NCKAP5: variants seen among roughly 807,000 people sequenced by gnomAD.
The protein encoded by NCKAP5 is nck-associated protein 5.
A neutral mutation model predicts 167.0 loss-of-function variants in NCKAP5; 92 were observed. That is an observed-to-expected ratio of 0.55 (90% CI 0.47 to 0.66). NCKAP5 has a LOEUF of 0.66. Among genes scored for constraint, NCKAP5 ranks in the 30% least tolerant of loss-of-function variants. NCKAP5 has a pLI of 0.00. For missense variants in NCKAP5, 2,378 were observed against 2,315.0 expected, an observed-to-expected ratio of 1.03 and a Z score of -0.56; for synonymous variants, 891 against 877.4, an observed-to-expected ratio of 1.02 and a Z score of -0.27.
At chr2:133,256,303 C>T (rs539281303) in intron 4 of NCKAP5, among the ~76,000 whole-genome samples, 1 of 152,064 alleles carries the variant, frequency 6.6e-6, no homozygotes, top group Non-Finnish European at 1.5e-5. Flanking sequence ...ATAGAAATTA[C>T]ATTGAGGCAT....
At chr2:133,075,582 G>A (rs926121010) in intron 6 of NCKAP5, among the ~76,000 whole-genome samples, 2 of 152,166 alleles carry the variant, frequency 1.3e-5, no homozygotes, top group African/African-American at 4.8e-5. Flanking sequence ...AAAGGGTCGT[G>A]CAAAGGACCT....
chr2:133,375,090 G>T (rs1686055933), intron 3 of NCKAP5, among the ~76,000 whole-genome samples: 1 of 152,150 alleles, frequency 6.6e-6, no homozygotes, highest in Non-Finnish European at 1.5e-5. Flanking sequence ...TGCTTATCTG[G>T]TAACGGAACA....
At chr2:133,341,332 C>T (rs1325968096) in intron 3 of NCKAP5, among the ~76,000 whole-genome samples, 1 of 151,044 alleles carries the variant, frequency 6.6e-6, no homozygotes, top group East Asian at 1.9e-4. Flanking sequence ...TGACTAATTC[C>T]CCTCATTAAC....
chr2:133,097,519 T>C (rs561189770), intron 6 of NCKAP5, among the ~76,000 whole-genome samples: 1 of 152,262 alleles, frequency 6.6e-6, no homozygotes, highest in African/African-American at 2.4e-5. Flanking sequence ...AACTGTAAGC[T>C]CCTAAGACAT....
chr2:132,679,995 C>T (rs543292839), intron 19 of NCKAP5, among the ~76,000 whole-genome samples: 16 of 152,072 alleles, frequency 1.1e-4, no homozygotes, highest in South Asian at 6.2e-4. Flanking sequence ...TCCTTAATGC[C>T]GCCTCTTACT....
intron 6 of NCKAP5, among the ~76,000 whole-genome samples, chr2:133,047,683 T>C (rs1203039231): frequency 6.6e-6 from 1 of 152,206 alleles, no homozygotes; most frequent in African/African-American, 2.4e-5. Flanking sequence ...TTGTTTAAAA[T>C]TTGTAAACAC....
At chr2:133,189,938 A>C (rs1390499121) in intron 5 of NCKAP5, among the ~76,000 whole-genome samples, 1 of 152,288 alleles carries the variant, frequency 6.6e-6, no homozygotes, top group African/African-American at 2.4e-5. Context: ...ATCAGGCAGG[A>C]GAAAGAAATA....
In NCKAP5 at chr2:132,783,493, C is replaced by T. The variant is rs2105043497; in HGVS notation, c.3318G>A (p.Gly1106=). 6.2e-7 allele frequency: 1 copy of T among 1,606,026 alleles called. No individual in the cohort carries two copies. Among genetic ancestry groups the T allele is most frequent in the African/African-American group, 1.3e-5 (1 of 74,712 alleles). ...ASTPPKPSFL[G]VNESPSSQVS... is the part of the protein sequence containing the mutation. ...CCTGAGATGATGGTGACTCATTTAC[C>T]CCTAAGAAGGAAGGCTTGGGGGGTG... Residue 1106 remains glycine, a synonymous_variant, in exon 14 of 20, where the codon GGG becomes GGA. Transcript: ENST00000409261.
At chr2:133,004,018 T>C (rs925804931) in intron 6 of NCKAP5, among the ~76,000 whole-genome samples, 14 of 152,156 alleles carry the variant, frequency 9.2e-5, no homozygotes, top group African/African-American at 3.4e-4. Context: ...GGAACTCCCC[T>C]GAATGTTAGC....
intron 4 of NCKAP5, among the ~76,000 whole-genome samples, chr2:133,250,291 C>T (rs1042774968): frequency 4.6e-5 from 7 of 152,120 alleles, no homozygotes; most frequent in Non-Finnish European, 7.4e-5. Flanking sequence ...TCTAGGCGAG[C>T]GGGGCAGGCA....
At chr2:133,309,852 G>A (rs1047314473) in intron 3 of NCKAP5, among the ~76,000 whole-genome samples, 2 of 152,254 alleles carry the variant, frequency 1.3e-5, no homozygotes, top group East Asian at 1.9e-4. Flanking sequence ...AAATAAAATC[G>A]TGTATCAAAG....
At chr2:133,503,928 C>T (rs551830561) in intron 3 of NCKAP5, among the ~76,000 whole-genome samples, 1 of 152,232 alleles carries the variant, frequency 6.6e-6, no homozygotes, top group African/African-American at 2.4e-5. Context: ...GCCTAGGAGC[C>T]CTAGCTGTCA....
intron 3 of NCKAP5, among the ~76,000 whole-genome samples, chr2:133,401,199 G>C (rs1688074285): frequency 6.6e-6 from 1 of 152,230 alleles, no homozygotes. Context: ...TTCTGGGATA[G>C]TGAACGCATT....
At chr2:133,476,857 G>A (rs749460204) in intron 3 of NCKAP5, among the ~76,000 whole-genome samples, 3 of 152,104 alleles carry the variant, frequency 2.0e-5, no homozygotes, top group Admixed American at 6.5e-5. Flanking sequence ...AATCAATAAG[G>A]TAGTTACAGA....
rs144607703 is a variant in NCKAP5 at position 132,772,661 on chromosome 2, AGGATGTCCTTTT to A, written c.5128+1143_5128+1154del. 2.6e-3 allele frequency among the ~76,000 whole-genome samples: 396 copies of A among 152,350 alleles called. 1 individual carries two copies. Among genetic ancestry groups the A allele is most frequent in the African/African-American group, 9.0e-3 (374 of 41,580 alleles). On this transcript the variant is annotated intron_variant, in intron 16 of 19. Transcript: ENST00000409261. Reference sequence around the variant, plus strand: ...CATTTTACATTGACAACTATAATAAAGGATGTCCTTTTGGAATAATAATCTTATTCAGACTAC... The same window carrying A: ...CATTTTACATTGACAACTATAATAAAGGAATAATAATCTTATTCAGACTAC...
At chr2:133,289,874 T>C (rs1277885934) in intron 4 of NCKAP5, among the ~76,000 whole-genome samples, 1 of 152,118 alleles carries the variant, frequency 6.6e-6, no homozygotes, top group Non-Finnish European at 1.5e-5. Flanking sequence ...AGCAGGCACA[T>C]CTTACATGGC....
chr2:133,322,988 G>A (rs189171043), intron 3 of NCKAP5, among the ~76,000 whole-genome samples: 35 of 152,246 alleles, frequency 2.3e-4, no homozygotes, highest in African/African-American at 7.0e-4. Context: ...CTGGTCTTTA[G>A]GGCCTCTAGG....
chr2:132,789,057 C>T (rs903840548), intron 13 of NCKAP5, among the ~76,000 whole-genome samples: 1 of 152,254 alleles, frequency 6.6e-6, no homozygotes, highest in South Asian at 2.1e-4. Flanking sequence ...GCCTTAAGAA[C>T]CTTCTTTCTC....
At chr2:133,284,234 A>G (rs2090027862) in intron 4 of NCKAP5, among the ~76,000 whole-genome samples, 1 of 152,034 alleles carries the variant, frequency 6.6e-6, no homozygotes, top group Non-Finnish European at 1.5e-5. Flanking sequence ...TAAAATGTCT[A>G]ATTGAGGAGT....
Sources: allele counts gnomAD v4.1 joint callset (sites outside exome capture counted in the v4.1 genomes callset), GRCh38; gene constraint gnomAD v4.1.1; transcripts MANE v1.5; gene names NCBI Gene and HGNC (gene_info 2026-07-23, HGNC 2026-07-21).